The following KLRG1 variants were observed in gnomAD, a reference collection of about 807,000 sequenced individuals.
The protein encoded by KLRG1 is killer cell lectin-like receptor subfamily G member 1.
KLRG1 carries 16 observed loss-of-function variants against 21.8 expected under a neutral mutation model. The ratio of observed to expected loss-of-function variants is 0.73; its 90% confidence interval spans 0.50 to 1.11. The LOEUF is 1.11. KLRG1 is among the 50% of genes most tolerant of loss of function. KLRG1 has a pLI of 0.00. For missense variants in KLRG1, 173 were observed against 218.3 expected (o/e 0.79, Z 1.31); for synonymous variants, 69 against 75.9 (o/e 0.91, Z 0.47).
At chr12:8,959,353 A>G (rs1343013615) in intron 1 of KLRG1, among the ~76,000 whole-genome samples, 1 of 152,178 alleles carries the variant, frequency 6.6e-6, no homozygotes, top group Non-Finnish European at 1.5e-5. Context: ...CAGATTTAGC[A>G]TTTCAGGAGA....
At chr12:9,047,797 G>A in the KLRG1 span, among the ~76,000 whole-genome samples, 1 of 152,104 alleles carries the variant, frequency 6.6e-6, no homozygotes, top group Non-Finnish European at 1.5e-5. Context: ...AAGGAAAAAG[G>A]GGCCAATTCT....
the KLRG1 span, among the ~76,000 whole-genome samples, chr12:9,158,199 C>T: frequency 2.0e-5 from 3 of 152,210 alleles, no homozygotes; most frequent in Admixed American, 2.0e-4. Flanking sequence ...AAGTGATCCA[C>T]CTGCCTTGGC....
chr12:8,994,906 T>C (rs1243426772), intron 2 of KLRG1, among the ~76,000 whole-genome samples: 2 of 152,216 alleles, frequency 1.3e-5, no homozygotes, highest in Admixed American at 6.5e-5. Context: ...TGTAGTGGAA[T>C]ATATACTTAG....
the KLRG1 span, among the ~76,000 whole-genome samples, chr12:9,124,079 A>G: frequency 1.3e-5 from 2 of 152,250 alleles, no homozygotes; most frequent in Non-Finnish European, 2.9e-5. Context: ...AAAATAAAAT[A>G]TAAAAGCTGT....
At chr12:9,083,077 C>T in the KLRG1 span, among the ~76,000 whole-genome samples, 4 of 152,162 alleles carry the variant, frequency 2.6e-5, no homozygotes, top group Admixed American at 1.3e-4. Flanking sequence ...CTCTCCAGCA[C>T]CTGTTGTTTC....
chr12:9,068,265 A>G, the KLRG1 span: 78 of 1,590,402 alleles, frequency 4.9e-5, no homozygotes, highest in African/African-American at 9.0e-4. Flanking sequence ...AAATCATTAC[A>G]TGAAGTGAGA....
the KLRG1 span, chr12:9,068,243 A>T: frequency 6.2e-7 from 1 of 1,602,796 alleles, no homozygotes; most frequent in Admixed American, 1.7e-5. Context: ...AAAAAAACCA[A>T]CAAAAAACCA....
At chr12:9,063,078 C>T in the KLRG1 span, among the ~76,000 whole-genome samples, 1 of 152,096 alleles carries the variant, frequency 6.6e-6, no homozygotes, top group Non-Finnish European at 1.5e-5. Context: ...ATAATTTGCC[C>T]AGGCTGGTCT....
chr12:9,068,868 A>T, the KLRG1 span: 1 of 1,510,506 alleles, frequency 6.6e-7, no homozygotes, highest in Admixed American at 2.0e-5. Flanking sequence ...CAATTAAATG[A>T]CCTTTCAGGA....
At chr12:9,072,392 G>A in the KLRG1 span, 1 of 1,613,950 alleles carries the variant, frequency 6.2e-7, no homozygotes, top group Non-Finnish European at 8.5e-7. Context: ...GCTGGTGTGG[G>A]CTTTGGGTTC....
At chr12:9,181,948 C>T in the KLRG1 span, 4 of 1,607,840 alleles carry the variant, frequency 2.5e-6, no homozygotes, top group Admixed American at 6.8e-5. Context: ...TATTTGTGTT[C>T]TTTTAATTTT....
chr12:9,155,615 A>G, the KLRG1 span, among the ~76,000 whole-genome samples: 1 of 152,166 alleles, frequency 6.6e-6, no homozygotes. Flanking sequence ...TTTCTCCAAG[A>G]ACACTACAAG....
chr12:8,958,499 G>A (rs7312460), intron 1 of KLRG1, among the ~76,000 whole-genome samples: 11,019 of 152,070 alleles, frequency 0.072, 691 homozygotes, highest in African/African-American at 0.17. Context: ...AGATTGTTTT[G>A]GCTATTCTAG....
chr12:9,149,929 T>C, the KLRG1 span, among the ~76,000 whole-genome samples: 14 of 152,142 alleles, frequency 9.2e-5, no homozygotes, highest in African/African-American at 3.4e-4. Flanking sequence ...CTCCCTTAAT[T>C]ACTTTTCAAA....
chr12:9,158,343 T>C, the KLRG1 span: 1 of 1,549,460 alleles, frequency 6.5e-7, no homozygotes, highest in Non-Finnish European at 8.8e-7. Flanking sequence ...AATTTCCTTG[T>C]GCCTCCTTCC....
At chr12:8,971,538 T>A (rs1044310421) in intron 1 of KLRG1, among the ~76,000 whole-genome samples, 4 of 152,112 alleles carry the variant, frequency 2.6e-5, no homozygotes, top group Admixed American at 2.6e-4. Context: ...CAGGCTGGAG[T>A]GCAGCAGCTC....
At chr12:9,085,924 A>C in the KLRG1 span, among the ~76,000 whole-genome samples, 7 of 152,230 alleles carry the variant, frequency 4.6e-5, no homozygotes. Flanking sequence ...AGACATATAC[A>C]TACTACCAAG....
the KLRG1 span, chr12:9,101,734 C>A: frequency 2.5e-5 from 34 of 1,338,018 alleles, no homozygotes; most frequent in Non-Finnish European, 3.4e-5. Context: ...TTAATGTTCT[C>A]ACAAAACTAC....
At chr12:9,148,324 G>T in the KLRG1 span, among the ~76,000 whole-genome samples, 1 of 152,182 alleles carries the variant, frequency 6.6e-6, no homozygotes, top group African/African-American at 2.4e-5. Flanking sequence ...TAGGATGCAG[G>T]TTACTCCCCT....
Sources: gnomAD v4.1 joint callset for allele counts (sites outside exome capture counted in the v4.1 genomes callset) on GRCh38, gnomAD v4.1.1 for gene constraint, MANE v1.5 for transcripts, NCBI Gene and HGNC (gene_info 2026-07-23, HGNC 2026-07-21) for gene names.